Variants in RASA2 observed in about 807,000 individuals in gnomAD.
RASA2 encodes the protein RAS p21 protein activator 2.
Under a neutral mutation model 118.2 loss-of-function variants are expected in RASA2, and 155 were observed. That is an observed-to-expected ratio of 1.31 (90% confidence interval 1.15 to 1.50). The LOEUF is 1.50. Among genes scored for constraint, RASA2 ranks in the 40% most tolerant of loss-of-function variants. The probability of loss-of-function intolerance (pLI) is 0.00; values close to 1 mark genes in which losing one functional copy is unlikely to be tolerated. For synonymous variants in RASA2, 353 were observed against 349.1 expected (o/e 1.01, Z -0.12); for missense variants, 1,016 against 1,009.6 (o/e 1.01, Z -0.09).
intron 3 of RASA2, among the ~76,000 whole-genome samples, chr3:141,522,000 T>C (rs1372325659): frequency 1.3e-5 from 2 of 152,074 alleles, no homozygotes; most frequent in Non-Finnish European, 2.9e-5. Flanking sequence ...TTTCTGGAAA[T>C]GAAATTTGAG....
At chr3:141,564,834 T>G (rs188899942) in intron 9 of RASA2, among the ~76,000 whole-genome samples, 1 of 152,336 alleles carries the variant, frequency 6.6e-6, no homozygotes, top group Admixed American at 6.5e-5. Context: ...CTTTTGTAAG[T>G]GAGCATTTCT....
intron 14 of RASA2, 32 bp downstream of exon 14, chr3:141,574,099 T>G: frequency 7.3e-7 from 1 of 1,367,902 alleles, no homozygotes; most frequent in Non-Finnish European, 9.6e-7. Flanking sequence ...AACATGCCAT[T>G]TATTTTTCTT....
At chr3:141,494,425 A>C (rs2081675147) in intron 1 of RASA2, among the ~76,000 whole-genome samples, 1 of 152,240 alleles carries the variant, frequency 6.6e-6, no homozygotes, top group African/African-American at 2.4e-5. Context: ...CTCTGTCACC[A>C]GGGCACGATC....
intron 4 of RASA2, among the ~76,000 whole-genome samples, chr3:141,539,100 A>C (rs897300596): frequency 2.0e-5 from 3 of 152,234 alleles, no homozygotes; most frequent in African/African-American, 7.2e-5. Flanking sequence ...CTGTCACAAC[A>C]GAAAATATGA....
intron 9 of RASA2, among the ~76,000 whole-genome samples, chr3:141,565,695 G>A (rs1456623696): frequency 1.3e-5 from 2 of 152,194 alleles, no homozygotes; most frequent in Admixed American, 6.5e-5. Flanking sequence ...GTGGAACTAT[G>A]AGTCAATTAA....
intron 7 of RASA2, among the ~76,000 whole-genome samples, chr3:141,558,521 C>A (rs1372415175): frequency 1.3e-5 from 2 of 151,844 alleles, no homozygotes; most frequent in Non-Finnish European, 2.9e-5. Flanking sequence ...GTGAGGAAGC[C>A]AAGATTATAA....
At chr3:141,569,469 C>G (rs2082878014) in intron 9 of RASA2, among the ~76,000 whole-genome samples, 1 of 152,048 alleles carries the variant, frequency 6.6e-6, no homozygotes, top group Non-Finnish European at 1.5e-5. Flanking sequence ...TTGCCTTTCT[C>G]TAATCCTGAT....
intron 3 of RASA2, among the ~76,000 whole-genome samples, chr3:141,528,621 C>T (rs2082215913): frequency 6.6e-6 from 1 of 151,644 alleles, no homozygotes; most frequent in Non-Finnish European, 1.5e-5. Flanking sequence ...TGGTGGGGGC[C>T]TTAATATATT....
rs933823797 is a variant in RASA2, at chr3:141,609,759, G to T, written c.2330-118G>T. 2.4e-5 allele frequency: 23 copies of T among 969,236 alleles called. No individual in the cohort carries two copies. In the South Asian group the frequency reaches 4.8e-4, roughly 20 times the overall value. 60.0% of individuals were successfully genotyped at this position (969,236 alleles called of 1,614,324 possible). ...AAATGTATATATTTTAGTTATCTCG[G>T]CTCTGCCAAGGGAAATCCCCTCAGC... On this transcript the variant is annotated intron_variant, in intron 22 of 23. Coordinates refer to ENST00000286364, the MANE Select transcript of RASA2 (RefSeq NM_006506.5).
intron 9 of RASA2, among the ~76,000 whole-genome samples, chr3:141,566,690 A>G (rs2082824885): frequency 6.6e-6 from 1 of 152,198 alleles, no homozygotes. Context: ...GAGTGAAGGT[A>G]TGGCTGAAAC....
chr3:141,514,823 C>T (rs2081999168), intron 2 of RASA2, among the ~76,000 whole-genome samples: 1 of 152,138 alleles, frequency 6.6e-6, no homozygotes. Flanking sequence ...TACTATGCAG[C>T]AATTAAAACA....
chr3:141,513,761 G>C (rs1308936127), intron 2 of RASA2, among the ~76,000 whole-genome samples: 1 of 152,106 alleles, frequency 6.6e-6, no homozygotes, highest in Non-Finnish European at 1.5e-5. Flanking sequence ...ACTTCTGTAG[G>C]AGTATTTTAC....
At chr3:141,538,231 A>G (rs1335351895) in intron 4 of RASA2, among the ~76,000 whole-genome samples, 1 of 152,184 alleles carries the variant, frequency 6.6e-6, no homozygotes, top group Non-Finnish European at 1.5e-5. Context: ...TAAAATGTTC[A>G]CTGATTTGAG....
intron 3 of RASA2, chr3:141,526,188 A>G (rs1364874215): frequency 6.6e-6 from 1 of 152,178 alleles, no homozygotes; most frequent in Non-Finnish European, 1.5e-5. Context: ...ACAAGAAAAT[A>G]TATAAGAATG....
chr3:141,581,223 C>T (rs762449871), intron 17 of RASA2, 46 bp downstream of exon 17: 6 of 1,235,306 alleles, frequency 4.9e-6, no homozygotes, highest in Non-Finnish European at 6.4e-6. Context: ...TTTCATATAA[C>T]ATGGGGAAAT....
chr3:141,546,937 C>G lies in RASA2; in HGVS notation c.527+6328C>G, dbSNP rs1445028812. On this transcript the variant is annotated intron_variant, in intron 5 of 23. Coordinates refer to ENST00000286364, the MANE Select transcript of RASA2 (RefSeq NM_006506.5). ...ATATGGATATCTATTTTTCCCAGCA[C>G]CATTTATTGAAGAAACTGTCCTTTC... 2.0e-5 allele frequency among the ~76,000 whole-genome samples: 3 copies of G among 152,090 alleles called. No homozygotes were observed. The East Asian group carries it at 5.8e-4, about 29-fold the overall frequency.
intron 1 of RASA2, among the ~76,000 whole-genome samples, chr3:141,491,434 T>G (rs965056157): frequency 6.6e-6 from 1 of 152,212 alleles, no homozygotes. Flanking sequence ...CCTGTTAGAT[T>G]GTGAGCTCTT....
intron 14 of RASA2, 84 bp from the exon 15 acceptor site, chr3:141,576,916 C>A: frequency 1.2e-6 from 1 of 839,234 alleles, no homozygotes; most frequent in Non-Finnish European, 1.8e-6. Context: ...TCCTAGTTTA[C>A]ATGTCTTTTC....
chr3:141,487,274 G>A, intron 1 of RASA2, 58 bp downstream of exon 1: 3 of 1,234,366 alleles, frequency 2.4e-6, no homozygotes, highest in Non-Finnish European at 3.1e-6. Context: ...AGGCTGAGGG[G>A]GCGGCGGGTT....
Sources: allele counts gnomAD v4.1 joint callset (sites outside exome capture counted in the v4.1 genomes callset), GRCh38; gene constraint gnomAD v4.1.1; transcripts MANE v1.5; gene names NCBI Gene and HGNC (gene_info 2026-07-23, HGNC 2026-07-21).